RPL4: variants seen among roughly 807,000 people sequenced by gnomAD.
The protein encoded by RPL4 is ribosomal protein L4.
A neutral mutation model predicts 47.7 loss-of-function variants in RPL4; 3 were observed. The observed-to-expected ratio is 0.06, with a 90% CI of 0.03 to 0.16. The LOEUF (loss-of-function observed/expected upper bound fraction) is 0.16, where lower values mean the gene tolerates loss of function less well. RPL4 is among the 10% of genes least tolerant of loss of function. The pLI, the probability that RPL4 is intolerant of heterozygous loss-of-function variation, is 1.00. For missense variants in RPL4, 413 were observed against 551.3 expected, an observed-to-expected ratio of 0.75 and a Z score of 2.51; for synonymous variants, 208 against 182.1, an observed-to-expected ratio of 1.14 and a Z score of -1.15.
rs1434700374 is a variant in RPL4 at position 66,498,453 on chromosome 15, G to A, written c.*954C>T. On this transcript the variant is annotated 3_prime_UTR_variant, in exon 10 of 10. Coordinates refer to ENST00000307961, the MANE Select transcript of RPL4 (RefSeq NM_000968.4). ...GATGCAAAACAAGACTTTTGACACA[G>A]GACAAGAGGTTAATTCTAGGGTAAT... 1 of 152,140 alleles carries A rather than the reference G, an allele frequency of 6.6e-6. No individual in the cohort carries two copies. The highest frequency in any genetic ancestry group is 1.5e-5 in the Non-Finnish European group (1 of 68,042). 9.4% of individuals were successfully genotyped at this position (152,140 alleles called of 1,614,324 possible).
chr15:66,502,589 C>T (rs1233310598), intron 4 of RPL4, 23 bp downstream of exon 4: 2 of 1,606,778 alleles, frequency 1.2e-6, no homozygotes, highest in Non-Finnish European at 1.7e-6. Context: ...CTATCAAACT[C>T]TCTTATATAA....
Position 66,501,060 on chromosome 15 carries a change from G to A in RPL4, c.722C>T (p.Ala241Val), listed in dbSNP as rs1893601374. 6.2e-7 allele frequency: 1 copy of A among 1,613,910 alleles called. No homozygotes were observed. Among genetic ancestry groups the A allele is most frequent in the Non-Finnish European group, 8.5e-7 (1 of 1,180,010 alleles). The change falls in exon 7 of 10, where the codon GCT becomes GTT. Residue 241 changes from alanine to valine, a missense_variant. By Grantham distance (64) the Ala-to-Val change is moderately conservative. Transcript: ENST00000307961. The part of the protein sequence containing the change: ...NVSKLNILKL[A>V]PGGHVGRFCI... ...GAAACGTCCCACATGCCCACCAGGA[G>A]CAAGCTTCAAAATGTTCAGCTTGCT...
rs1303875630 is a variant in RPL4 at position 66,501,408 on chromosome 15, T to C, written c.643A>G (p.Asn215Asp). 1.2e-6 allele frequency: 2 copies of C among 1,614,062 alleles called. No individual in the cohort carries two copies. Among genetic ancestry groups the C allele is most frequent in the Non-Finnish European group, 8.5e-7 (1 of 1,180,050 alleles). The change falls in exon 6 of 10, where the codon AAT becomes GAT. Residue 215 changes from asparagine to aspartate, a missense_variant. By Grantham distance (23) the Asn-to-Asp change is conservative (BLOSUM62 1). Transcript: ENST00000307961. ...TTTCTGAAGGCCTTGATGATACCATTATCCTCATTATAGATGATGCACGGG... is the reference window on the plus strand; with the variant it reads ...TTTCTGAAGGCCTTGATGATACCATCATCCTCATTATAGATGATGCACGGG... Reference protein sequence around the residue: ...RGPCIIYNEDNGIIKAFRNIP... With the variant: ...RGPCIIYNEDDGIIKAFRNIP...
At chr15:66,502,870 C>T (rs200476870) in intron 3 of RPL4, 120 bp from the exon 4 acceptor site, 76 of 1,492,468 alleles carry the variant, frequency 5.1e-5, no homozygotes, top group Non-Finnish European at 6.6e-5. Context: ...AGGCAACTGT[C>T]GCTGAGAACA....
At position 66,503,412 on chromosome 15, in the gene RPL4, G is replaced by A; in HGVS notation, c.121C>T (p.His41Tyr). 9 of 1,611,780 alleles carry A rather than the reference G, an allele frequency of 5.6e-6. No homozygotes were observed. The highest frequency in any genetic ancestry group is 7.6e-6 in the Non-Finnish European group (9 of 1,178,046). Residue 41 changes from histidine (H) to tyrosine (Y), a missense_variant, in exon 2 of 10, where the codon CAC (histidine) becomes TAC (tyrosine). Coordinates refer to ENST00000307961, the MANE Select transcript of RPL4 (RefSeq NM_000968.4). ...CTGTTGTTTTTGCGCAAGTTGGTGTGAACAAAGTTCACAATATCTGGTCGA... is the reference window on the plus strand; with the variant it reads ...CTGTTGTTTTTGCGCAAGTTGGTGTAAACAAAGTTCACAATATCTGGTCGA... ...PIRPDIVNFVHTNLRKNNRQP... is the reference protein window; with the variant it reads ...PIRPDIVNFVYTNLRKNNRQP...
In RPL4 at chr15:66,499,212, G is replaced by A; in HGVS notation, c.*195C>T. On this transcript the variant is annotated 3_prime_UTR_variant, in exon 10 of 10. Coordinates refer to ENST00000307961, the MANE Select transcript of RPL4 (RefSeq NM_000968.4). Reference sequence around the variant, plus strand: ...CTCCATGGACTTAGTATAAATCCATGCCCCATTTTATACCACACTATATAA... The same window carrying A: ...CTCCATGGACTTAGTATAAATCCATACCCCATTTTATACCACACTATATAA... 1 of 614,798 alleles carries A rather than the reference G, an allele frequency of 1.6e-6. No individual in the cohort carries two copies. The highest frequency in any genetic ancestry group is 2.8e-6 in the Non-Finnish European group (1 of 360,716). The allele number at this position is 614,798 out of a possible 1,614,324, so 38.1% of individuals were successfully genotyped here.
At chr15:66,500,889 AT>A in intron 7 of RPL4, 59 bp downstream of exon 7, 2 of 1,567,466 alleles carry the variant, frequency 1.3e-6, no homozygotes, top group Non-Finnish European at 1.7e-6. Context: ...ATGTAAGCCA[AT>A]TCTGAATGTT....
Position 66,501,721 on chromosome 15 carries a change from T to G in RPL4, c.546+67A>C, listed in dbSNP as rs1200622277. 2.3e-5 allele frequency: 37 copies of G among 1,587,544 alleles called. No individual in the cohort carries two copies. The East Asian group carries it at 8.3e-4, about 35-fold the overall frequency. On this transcript the variant is annotated intron_variant, in intron 5 of 9. Transcript: ENST00000307961. ...AGGATTAGCTATACTGCCCTTATCT[T>G]CTGAAATTCAAAGTGACAAACTGTG... is the stretch of plus-strand genomic sequence containing the variant.
rs1277644931 is a variant in RPL4, at chr15:66,498,068, A to C, written c.*1339T>G. On this transcript the variant is annotated 3_prime_UTR_variant, in exon 10 of 10. Coordinates refer to ENST00000307961, the MANE Select transcript of RPL4 (RefSeq NM_000968.4). ...GGCCATTTGCGCACCAAGTGGTCAAACACCGTTTCAAATGACCGGGTGAAC... is the reference window on the plus strand; with the variant it reads ...GGCCATTTGCGCACCAAGTGGTCAACCACCGTTTCAAATGACCGGGTGAAC... 2 of 312,050 alleles carry C rather than the reference A, an allele frequency of 6.4e-6. No individual in the cohort carries two copies. Among genetic ancestry groups the C allele is most frequent in the Non-Finnish European group, 1.2e-5 (2 of 165,600 alleles). 19.3% of individuals were successfully genotyped at this position (312,050 alleles called of 1,614,324 possible).
At chr15:66,502,036 C>T (rs374085670) in intron 4 of RPL4, 124 bp from the exon 5 acceptor site, 2 of 1,251,698 alleles carry the variant, frequency 1.6e-6, no homozygotes, top group Admixed American at 1.7e-5. Context: ...AGAATTTCCA[C>T]AAATATCATG....
At position 66,503,348 on chromosome 15, in the gene RPL4, A is replaced by G; in HGVS notation, c.175+10T>C. 6.2e-7 allele frequency: 1 copy of G among 1,611,246 alleles called. No individual in the cohort carries two copies. Among genetic ancestry groups the G allele is most frequent in the Non-Finnish European group, 8.5e-7 (1 of 1,177,560 alleles). On this transcript the variant is annotated intron_variant, in intron 2 of 9. Transcript: ENST00000307961. ...TCCCTAAAATATCTGCAGAAGATAT[A>G]AATCCATACCTGCTAATTCACTGAC...
rs1447516962 is a variant in RPL4 at position 66,500,849 on chromosome 15, T to A, written c.833+100A>T. 3.6e-6 allele frequency: 5 copies of A among 1,403,930 alleles called. No homozygotes were observed. The Admixed American group carries it at 1.1e-4, about 31-fold the overall frequency. 87.0% of individuals were successfully genotyped at this position (1,403,930 alleles called of 1,614,324 possible). On this transcript the variant is annotated intron_variant, in intron 7 of 9. Coordinates refer to ENST00000307961, the MANE Select transcript of RPL4 (RefSeq NM_000968.4). ...CATTTTGGCATACTGTTGCTGCACA[T>A]AAGGGGAAATGGGAATAAATTTAGA...
intron 4 of RPL4, 107 bp downstream of exon 4, chr15:66,502,504 CT>C: frequency 8.6e-7 from 1 of 1,161,338 alleles, no homozygotes; most frequent in African/African-American, 1.6e-5. Context: ...AAATTATTCT[CT>C]TCTAGCCATC....
At chr15:66,502,520 A>T in intron 4 of RPL4, 92 bp downstream of exon 4, 1 of 1,342,974 alleles carries the variant, frequency 7.4e-7, no homozygotes, top group Non-Finnish European at 1.0e-6. Context: ...GCCATCTTGA[A>T]ATGGGTTACT....
intron 3 of RPL4, 65 bp downstream of exon 3, chr15:66,502,993 A>C: frequency 6.7e-7 from 1 of 1,485,456 alleles, no homozygotes; most frequent in Non-Finnish European, 9.4e-7. Flanking sequence ...ATCATCAATA[A>C]ACCAGACCCA....
rs567499575 is a variant in RPL4, at chr15:66,499,800, A to C, written c.1039-148T>G. On this transcript the variant is annotated intron_variant, in intron 9 of 9. Coordinates refer to ENST00000307961, the MANE Select transcript of RPL4 (RefSeq NM_000968.4). ...GCACTTTGGGAGGCCGAGGCAGGTG[A>C]ATCACCTGAGGTCAGGAGTTTGAGA... 8.1e-6 allele frequency: 9 copies of C among 1,114,542 alleles called. No individual in the cohort carries two copies. In the African/African-American group the frequency reaches 1.3e-4, roughly 16 times the overall value. The allele number at this position is 1,114,542 out of a possible 1,614,324, so 69.0% of individuals were successfully genotyped here.
chr15:66,503,896 C>T (rs1369185894), intron 1 of RPL4, among the ~76,000 whole-genome samples: 1 of 152,152 alleles, frequency 6.6e-6, no homozygotes, highest in East Asian at 1.9e-4. Flanking sequence ...TCACCCTCAC[C>T]CTCTACTAAA....
In RPL4 at chr15:66,499,276, T is replaced by G; in HGVS notation, c.*131A>C. 2 of 1,200,694 alleles carry G rather than the reference T, an allele frequency of 1.7e-6. No individual in the cohort carries two copies. Among genetic ancestry groups the G allele is most frequent in the Non-Finnish European group, 2.3e-6 (2 of 860,696 alleles). The allele number at this position is 1,200,694 out of a possible 1,614,324, so 74.4% of individuals were successfully genotyped here. A position where few individuals can be genotyped will look rare whatever the true frequency, so the allele number is the denominator to read the frequency against. Reference sequence around the variant, plus strand: ...AAATTATGGCCAACAAAATGTCACTTTAAAAAAATTCTAACCAAGCTTTAC... The same window carrying G: ...AAATTATGGCCAACAAAATGTCACTGTAAAAAAATTCTAACCAAGCTTTAC... On this transcript the variant is annotated 3_prime_UTR_variant, in exon 10 of 10. Coordinates refer to ENST00000307961, the MANE Select transcript of RPL4 (RefSeq NM_000968.4).
chr15:66,504,106 A>C (rs1893693241), intron 1 of RPL4, among the ~76,000 whole-genome samples: 1 of 152,192 alleles, frequency 6.6e-6, no homozygotes, highest in African/African-American at 2.4e-5. Context: ...CAGACTTTCC[A>C]AGTGTTCACT....
Sources: gnomAD v4.1 joint callset for allele counts (sites outside exome capture counted in the v4.1 genomes callset) on GRCh38, gnomAD v4.1.1 for gene constraint, MANE v1.5 for transcripts, NCBI Gene and HGNC (gene_info 2026-07-23, HGNC 2026-07-21) for gene names.